Variants in GRM8 observed in about 807,000 individuals in gnomAD.
GRM8 encodes glutamate metabotropic receptor 8, also known as metabotropic glutamate receptor 8.
Under a neutral mutation model 87.2 loss-of-function variants are expected in GRM8, and 47 were observed. The ratio of observed to expected loss-of-function variants is 0.54; its 90% CI spans 0.43 to 0.69. The LOEUF (loss-of-function observed/expected upper bound fraction) is 0.69, where lower values mean the gene tolerates loss of function less well. Among genes scored for constraint, GRM8 ranks in the 30% least tolerant of loss-of-function variants. The pLI is 0.00. For missense variants in GRM8, 1,019 were observed against 1,139.2 expected, an observed-to-expected ratio of 0.89 and a Z score of 1.52; for synonymous variants, 396 against 404.5, an observed-to-expected ratio of 0.98 and a Z score of 0.25.
intron 3 of GRM8, among the ~76,000 whole-genome samples, chr7:127,057,535 T>C (rs1297934147): frequency 6.6e-6 from 1 of 152,210 alleles, no homozygotes; most frequent in Non-Finnish European, 1.5e-5. Context: ...TAAAGGTTTT[T>C]CCAAGATTTC....
At chr7:126,858,429 T>A (rs1797869849) in intron 6 of GRM8, among the ~76,000 whole-genome samples, 1 of 152,210 alleles carries the variant, frequency 6.6e-6, no homozygotes, top group Non-Finnish European at 1.5e-5. Flanking sequence ...CCTTACTGCT[T>A]ACCTGTCTCC....
chr7:126,771,422 C>T (rs931141779), intron 6 of GRM8, among the ~76,000 whole-genome samples: 42 of 151,796 alleles, frequency 2.8e-4, no homozygotes, highest in African/African-American at 9.7e-5. Context: ...CTGCTCCTCC[C>T]TGTTTGGCAT....
intron 2 of GRM8, among the ~76,000 whole-genome samples, chr7:127,142,959 A>C: frequency 6.6e-6 from 1 of 152,192 alleles, no homozygotes; most frequent in East Asian, 1.9e-4. Flanking sequence ...GAGAGTAAGG[A>C]GATGCCCCAT....
chr7:126,467,851 C>A (rs558541622), intron 9 of GRM8, among the ~76,000 whole-genome samples: 31 of 151,956 alleles, frequency 2.0e-4, no homozygotes, highest in Middle Eastern at 3.4e-3. Context: ...AGAATGAGGT[C>A]AATATATTTG....
chr7:127,143,889 T>C (rs977252825), intron 2 of GRM8, among the ~76,000 whole-genome samples: 3 of 152,162 alleles, frequency 2.0e-5, no homozygotes, highest in Non-Finnish European at 4.4e-5. Context: ...TTCTTCTCTT[T>C]GCTGCAATAG....
chr7:127,247,260 A>G (rs13222063), intron 1 of GRM8, among the ~76,000 whole-genome samples: 18,943 of 152,166 alleles, frequency 0.12, 1,400 homozygotes, highest in Middle Eastern at 0.26. Context: ...GTCAGGTGGA[A>G]CACACCCACC....
At chr7:127,000,463 G>A (rs992729269) in intron 3 of GRM8, among the ~76,000 whole-genome samples, 6 of 151,504 alleles carry the variant, frequency 4.0e-5, no homozygotes, top group South Asian at 2.1e-4. Context: ...TTACTATGAC[G>A]ATATACATTG....
chr7:126,973,169 G>C (rs1362192449), intron 3 of GRM8, among the ~76,000 whole-genome samples: 1 of 152,114 alleles, frequency 6.6e-6, no homozygotes, highest in Admixed American at 6.6e-5. Context: ...ACATTACTGG[G>C]CCCCACTCTC....
intron 9 of GRM8, among the ~76,000 whole-genome samples, chr7:126,471,130 T>C (rs1188989382): frequency 6.6e-6 from 1 of 151,796 alleles, no homozygotes; most frequent in African/African-American, 2.4e-5. Context: ...TTTTCTCCCA[T>C]TTTGTGGGTT....
chr7:127,058,283 TGGTAG>T lies in GRM8; in HGVS notation c.727+48208_727+48212del, dbSNP rs1820218489. On this transcript the variant is annotated intron_variant, in intron 3 of 10. Coordinates refer to ENST00000339582, the MANE Select transcript of GRM8 (RefSeq NM_000845.3). ...TTGTTCTTGTCAACACACTCCTGGT[TGGTAG>T]GCGAGAACAGCAACTGGACAAATCA... The T allele has an allele frequency of 4.5e-5, 17 of 375,784 alleles. 1 individual carries two copies. Among genetic ancestry groups the T allele is most frequent in the South Asian group, 3.3e-4 (16 of 48,470 alleles). The allele number at this position is 375,784 out of a possible 1,614,324, so 23.3% of individuals were successfully genotyped here.
At chr7:127,114,435 G>T (rs1027239195) in intron 2 of GRM8, among the ~76,000 whole-genome samples, 1 of 152,094 alleles carries the variant, frequency 6.6e-6, no homozygotes, top group Non-Finnish European at 1.5e-5. Context: ...GCACAAAAGG[G>T]GCCTGTGGTT....
intron 6 of GRM8, among the ~76,000 whole-genome samples, chr7:126,852,845 T>C (rs1797338709): frequency 6.6e-6 from 1 of 152,130 alleles, no homozygotes; most frequent in Non-Finnish European, 1.5e-5. Context: ...TATGTATTTA[T>C]AAAAAATGGA....
intron 9 of GRM8, among the ~76,000 whole-genome samples, chr7:126,476,826 A>T (rs1455843323): frequency 6.6e-6 from 1 of 151,528 alleles, no homozygotes; most frequent in African/African-American, 2.4e-5. Context: ...ATTATGAAAA[A>T]CATTATGAAG....
At chr7:126,988,499 T>G (rs981400778) in intron 3 of GRM8, among the ~76,000 whole-genome samples, 2 of 152,242 alleles carry the variant, frequency 1.3e-5, no homozygotes, top group Non-Finnish European at 2.9e-5. Context: ...GTGATTCATT[T>G]GCTTTCATTC....
At chr7:126,716,613 A>G (rs886947105) in intron 7 of GRM8, among the ~76,000 whole-genome samples, 9 of 152,196 alleles carry the variant, frequency 5.9e-5, no homozygotes, top group African/African-American at 2.2e-4. Flanking sequence ...ATCCTGATGC[A>G]TGCTCTCTTT....
chr7:126,994,752 T>C (rs1467966517), intron 3 of GRM8, among the ~76,000 whole-genome samples: 3 of 149,998 alleles, frequency 2.0e-5, no homozygotes, highest in Non-Finnish European at 3.0e-5. Context: ...GATTTCTAAG[T>C]TTTTTTTTTA....
intron 2 of GRM8, among the ~76,000 whole-genome samples, chr7:127,195,519 C>A (rs754137462): frequency 6.6e-6 from 1 of 152,152 alleles, no homozygotes; most frequent in Non-Finnish European, 1.5e-5. Context: ...GATTCAGCAA[C>A]CCTAATTATC....
At chr7:127,235,013 G>A (rs1345431132) in intron 2 of GRM8, among the ~76,000 whole-genome samples, 1 of 152,176 alleles carries the variant, frequency 6.6e-6, no homozygotes, top group Non-Finnish European at 1.5e-5. Context: ...CTTTCCTTAT[G>A]CAGATTTATT....
intron 2 of GRM8, among the ~76,000 whole-genome samples, chr7:127,241,147 T>C (rs1429043288): frequency 6.6e-6 from 1 of 152,202 alleles, no homozygotes; most frequent in African/African-American, 2.4e-5. Flanking sequence ...AAAATAGCCA[T>C]TAAGTTGCCT....
Sources: allele counts gnomAD v4.1 joint callset (sites outside exome capture counted in the v4.1 genomes callset), GRCh38; gene constraint gnomAD v4.1.1; transcripts MANE v1.5; gene names NCBI Gene and HGNC (gene_info 2026-07-23, HGNC 2026-07-21).